RPS6KA2: variants seen among roughly 807,000 people sequenced by gnomAD.
RPS6KA2 encodes ribosomal protein S6 kinase alpha-2.
RPS6KA2 carries 42 observed loss-of-function variants against 91.8 expected under a neutral mutation model. The ratio of observed to expected loss-of-function variants is 0.46; its 90% confidence interval spans 0.36 to 0.59. The LOEUF is 0.59. RPS6KA2 is among the 20% of genes least tolerant of loss of function. The pLI, the probability that RPS6KA2 is intolerant of heterozygous loss-of-function variation, is 0.00. For synonymous variants in RPS6KA2, 414 were observed against 393.6 expected, an observed-to-expected ratio of 1.05 and a Z score of -0.61; for missense variants, 798 against 978.5, an observed-to-expected ratio of 0.82 and a Z score of 2.46.
intron 1 of RPS6KA2, among the ~76,000 whole-genome samples, chr6:166,556,377 C>T (rs541823301): frequency 1.3e-5 from 2 of 152,314 alleles, no homozygotes; most frequent in Middle Eastern, 3.4e-3. Flanking sequence ...TGACTTTTCC[C>T]CCTACTACCT....
intron 1 of RPS6KA2, among the ~76,000 whole-genome samples, chr6:166,583,210 G>A (rs1785072729): frequency 6.6e-6 from 1 of 152,198 alleles, no homozygotes; most frequent in African/African-American, 2.4e-5. Context: ...AGCTAAAAGT[G>A]CTGAATTCTT....
At chr6:166,815,330 C>T (rs192456164) in intron 2 of RPS6KA2, among the ~76,000 whole-genome samples, 1 of 152,314 alleles carries the variant, frequency 6.6e-6, no homozygotes, top group East Asian at 1.9e-4. Flanking sequence ...ACTACTAGAC[C>T]TCTGATCCCT....
chr6:166,746,813 A>T (rs1405558589), intron 2 of RPS6KA2, among the ~76,000 whole-genome samples: 2 of 152,168 alleles, frequency 1.3e-5, no homozygotes, highest in Non-Finnish European at 2.9e-5. Context: ...TCTTCAACTA[A>T]TTTGCCTCAA....
In RPS6KA2 at chr6:166,532,844, A is replaced by AGAGT. The variant is rs573257516; in HGVS notation, c.217-1532_217-1531insACTC. On this transcript the variant is annotated intron_variant, in intron 2 of 20. Transcript: ENST00000265678. The stretch of plus-strand genomic sequence containing the variant: ...TGGAGTGTGAGAGAGAGAGAGAGAG[A>AGAGT]GTGTGTGTGTGTGTGTGTGTGTCCC... 4.9e-3 allele frequency among the ~76,000 whole-genome samples: 727 copies of AGAGT among 149,562 alleles called. 8 individuals are homozygous for AGAGT. Among genetic ancestry groups the AGAGT allele is most frequent in the East Asian group, 0.014 (69 of 5,076 alleles).
intron 2 of RPS6KA2, among the ~76,000 whole-genome samples, chr6:166,769,530 T>A (rs186972528): frequency 1.3e-5 from 2 of 152,334 alleles, no homozygotes; most frequent in South Asian, 4.1e-4. Flanking sequence ...CAGAACCAGC[T>A]TGAGATTCTG....
chr6:166,776,853 G>A (rs1008409518), intron 2 of RPS6KA2, among the ~76,000 whole-genome samples: 4 of 152,216 alleles, frequency 2.6e-5, no homozygotes, highest in Non-Finnish European at 5.9e-5. Context: ...TGGCGACTGT[G>A]AGTTGTGCTG....
intron 1 of RPS6KA2, among the ~76,000 whole-genome samples, chr6:166,553,206 C>T (rs1784070973): frequency 6.6e-6 from 1 of 152,172 alleles, no homozygotes; most frequent in Non-Finnish European, 1.5e-5. Context: ...GCATCTTTGA[C>T]CTCCCTGGGC....
intron 2 of RPS6KA2, among the ~76,000 whole-genome samples, chr6:166,685,098 C>T (rs143634314): frequency 1.9e-3 from 291 of 152,332 alleles, no homozygotes; most frequent in Non-Finnish European, 3.4e-3. Flanking sequence ...AAGTCCCCAT[C>T]CAGTGGGCGG....
intron 2 of RPS6KA2, among the ~76,000 whole-genome samples, chr6:166,794,421 T>A (rs2128615424): frequency 6.6e-6 from 1 of 152,170 alleles, no homozygotes; most frequent in African/African-American, 2.4e-5. Flanking sequence ...TGTAAACTAG[T>A]TCAACCATTG....
intron 2 of RPS6KA2, among the ~76,000 whole-genome samples, chr6:166,753,962 G>T (rs563808018): frequency 6.6e-6 from 1 of 152,262 alleles, no homozygotes; most frequent in East Asian, 1.9e-4. Context: ...AAGTGCCTTT[G>T]GCCATGCTTG....
chr6:166,812,464 C>T (rs1402229621), intron 2 of RPS6KA2, among the ~76,000 whole-genome samples: 3 of 152,222 alleles, frequency 2.0e-5, no homozygotes, highest in African/African-American at 7.2e-5. Flanking sequence ...GCTTAAATGT[C>T]ACCTCCCAAG....
intron 2 of RPS6KA2, among the ~76,000 whole-genome samples, chr6:166,746,015 G>C (rs1306756180): frequency 1.3e-5 from 2 of 152,232 alleles, no homozygotes; most frequent in African/African-American, 4.8e-5. Context: ...CGGTGCTGCT[G>C]TGAGTCTCTA....
At position 166,650,843 on chromosome 6, in the gene RPS6KA2, T is replaced by C. The variant is rs144736768; in HGVS notation, c.124-112059A>G. On this transcript the variant is annotated intron_variant, in intron 2 of 21. Transcript: ENST00000503859. ...GAACCCTGAAGACTGCAGGTCTCGT[T>C]TGGGCAGGTGAGAGGGATTTGAGGT... 1.2e-4 allele frequency among the ~76,000 whole-genome samples: 18 copies of C among 152,354 alleles called. No individual in the cohort carries two copies. The East Asian group carries it at 3.5e-3, about 29-fold the overall frequency.
At chr6:166,464,018 T>A (rs1406177642) in intron 11 of RPS6KA2, among the ~76,000 whole-genome samples, 1 of 152,080 alleles carries the variant, frequency 6.6e-6, no homozygotes, top group Non-Finnish European at 1.5e-5. Context: ...CTAGTGTATA[T>A]AATGTAGGAA....
intron 1 of RPS6KA2, among the ~76,000 whole-genome samples, chr6:166,609,719 C>T (rs1401542409): frequency 5.3e-5 from 8 of 152,018 alleles, no homozygotes; most frequent in Admixed American, 2.0e-4. Flanking sequence ...AGGCTGGTCT[C>T]GAACTCCTGA....
At position 166,418,108 on chromosome 6, in the gene RPS6KA2, T is replaced by C. The variant is rs1028264283; in HGVS notation, c.1938+117A>G. On this transcript the variant is annotated intron_variant, in intron 19 of 20. Transcript: ENST00000265678. The surrounding 1 kb of genome is among the most constrained non-coding windows in gnomAD (Gnocchi z 4.9). ...CCATTTCAAGAAAAAAAAAAAAATA[T>C]GCTGAGGATAAAATACCTATACTAC... 11 of 710,802 alleles carry C rather than the reference T, an allele frequency of 1.5e-5. No individual in the cohort carries two copies. Among genetic ancestry groups the C allele is most frequent in the Non-Finnish European group, 2.1e-5 (9 of 418,760 alleles). 44.0% of individuals were successfully genotyped at this position (710,802 alleles called of 1,614,324 possible).
intron 1 of RPS6KA2, among the ~76,000 whole-genome samples, chr6:166,616,252 T>C (rs1231155981): frequency 6.6e-6 from 1 of 152,178 alleles, no homozygotes; most frequent in African/African-American, 2.4e-5. Flanking sequence ...GAAGTTCCCA[T>C]TGGTGACCTT....
intron 2 of RPS6KA2, among the ~76,000 whole-genome samples, chr6:166,774,800 C>A (rs185264046): frequency 6.0e-5 from 9 of 151,178 alleles, no homozygotes; most frequent in Non-Finnish European, 7.4e-5. Flanking sequence ...CAGATTACAG[C>A]AGCATAAAGG....
At chr6:166,811,830 T>G (rs1222051449) in intron 2 of RPS6KA2, among the ~76,000 whole-genome samples, 2 of 152,216 alleles carry the variant, frequency 1.3e-5, no homozygotes, top group East Asian at 3.8e-4. Context: ...ACATAATTAC[T>G]AGAATAACAG....
Sources: allele counts gnomAD v4.1 joint callset (sites outside exome capture counted in the v4.1 genomes callset), GRCh38; gene constraint gnomAD v4.1.1; non-coding constraint Gnocchi (gnomAD v3.1); transcripts MANE v1.5; gene names NCBI Gene and HGNC (gene_info 2026-07-23, HGNC 2026-07-21).